ARHGAP22: variants seen among roughly 807,000 people sequenced by gnomAD.
ARHGAP22 encodes the protein Rho GTPase activating protein 22, also known as rho GTPase-activating protein 22.
In ARHGAP22, 48 loss-of-function variants were observed where a neutral mutation model predicts 59.1. The observed-to-expected ratio is 0.81, with a 90% CI of 0.64 to 1.03. The LOEUF is 1.03. ARHGAP22 is among the 50% of genes least tolerant of loss of function. The pLI is 0.00. For synonymous variants in ARHGAP22, 445 were observed against 416.4 expected, an observed-to-expected ratio of 1.07 and a Z score of -0.84; for missense variants, 1,015 against 958.7, an observed-to-expected ratio of 1.06 and a Z score of -0.78.
intron 2 of ARHGAP22, among the ~76,000 whole-genome samples, chr10:48,565,879 G>C (rs984821880): frequency 4.6e-5 from 7 of 152,180 alleles, no homozygotes; most frequent in Non-Finnish European, 1.0e-4. Context: ...ACCATTGCTT[G>C]TGCCATGAAA....
chr10:48,531,930 C>T (rs922247482), intron 3 of ARHGAP22, among the ~76,000 whole-genome samples: 8 of 152,140 alleles, frequency 5.3e-5, no homozygotes, highest in African/African-American at 1.9e-4. Context: ...GGATTGAGAC[C>T]GCGGGTTATT....
chr10:48,447,881 A>G (rs1422725495), intron 9 of ARHGAP22, among the ~76,000 whole-genome samples: 1 of 152,132 alleles, frequency 6.6e-6, no homozygotes, highest in Non-Finnish European at 1.5e-5. Flanking sequence ...CTGATCAGTT[A>G]GCAAAACCTT....
chr10:48,454,689 G>A (rs965945016), intron 6 of ARHGAP22, among the ~76,000 whole-genome samples: 1 of 152,200 alleles, frequency 6.6e-6, no homozygotes, highest in Admixed American at 6.5e-5. Flanking sequence ...CGGGTGTGGG[G>A]AGTGTGAGCA....
intron 4 of ARHGAP22, among the ~76,000 whole-genome samples, chr10:48,476,249 C>T (rs1444803646): frequency 2.0e-5 from 3 of 152,198 alleles, no homozygotes; most frequent in African/African-American, 4.8e-5. Context: ...GGCACTCCAG[C>T]TGTGGCCACA....
chr10:48,608,685 C>T (rs1381227190), upstream of ARHGAP22, among the ~76,000 whole-genome samples: 1 of 152,184 alleles, frequency 6.6e-6, no homozygotes, highest in Non-Finnish European at 1.5e-5. Flanking sequence ...GCAGCTCCCA[C>T]CCTCATACTT....
intron 3 of ARHGAP22, among the ~76,000 whole-genome samples, chr10:48,521,657 T>C (rs1218166637): frequency 6.6e-6 from 1 of 152,248 alleles, no homozygotes; most frequent in South Asian, 2.1e-4. Context: ...GAGAGTCAGA[T>C]AGCTCCTTAG....
At chr10:48,436,210 T>C in the ARHGAP22 span, 2 of 152,250 alleles carry the variant, frequency 1.3e-5, no homozygotes, top group Non-Finnish European at 2.9e-5. Flanking sequence ...AAGGACTGTT[T>C]CTTCACATTG....
chr10:48,570,602 G>C (rs1402860849), intron 2 of ARHGAP22, among the ~76,000 whole-genome samples: 1 of 152,176 alleles, frequency 6.6e-6, no homozygotes, highest in East Asian at 1.9e-4. Flanking sequence ...AGATCTATGG[G>C]AGCAGCTTGG....
At chr10:48,550,149 T>G (rs2056786672) in intron 3 of ARHGAP22, among the ~76,000 whole-genome samples, 1 of 152,212 alleles carries the variant, frequency 6.6e-6, no homozygotes, top group South Asian at 2.1e-4. Context: ...TGACTCTCAC[T>G]TAACCTTCAA....
chr10:48,602,554 T>G lies in ARHGAP22; in HGVS notation c.34+2209A>C, dbSNP rs1564980059. Among the ~76,000 whole-genome samples, 5 of 152,290 alleles carry G rather than the reference T, an allele frequency of 3.3e-5. No homozygotes were observed. In the East Asian group the frequency reaches 9.6e-4, roughly 29 times the overall value. On this transcript the variant is annotated intron_variant, in intron 1 of 9. Transcript: ENST00000249601. Reference sequence around the variant, plus strand: ...CAGTGAAAGATGAGGCCAAATTTCCTAAGTACCGGGCCAGCTTGGGTAGAG... The same window carrying G: ...CAGTGAAAGATGAGGCCAAATTTCCGAAGTACCGGGCCAGCTTGGGTAGAG...
Position 48,652,254 on chromosome 10 carries a change from G to T in ARHGAP22, c.32C>A (p.Thr11Lys), listed in dbSNP as rs144047908. ...CTTACTGAAATATCTGGCTGCAAACGTCCTCCTTTTGCTGGAAGCTGTCGG... is the reference window on the plus strand; with the variant it reads ...CTTACTGAAATATCTGGCTGCAAACTTCCTCCTTTTGCTGGAAGCTGTCGG... The change falls in exon 1 of 10, where the codon ACG (threonine) becomes AAG (lysine). Residue 11 changes from threonine to lysine, a missense_variant. Physicochemically the swap from Thr to Lys is moderately conservative, Grantham distance 78 (BLOSUM62 -1). Coordinates refer to the ARHGAP22 transcript ENST00000435790. 3 of 1,535,454 alleles carry T rather than the reference G, an allele frequency of 2.0e-6. No individual in the cohort carries two copies. In the African/African-American group the frequency reaches 4.1e-5, roughly 21 times the overall value.
chr10:48,435,772 G>A, the ARHGAP22 span: 1 of 152,180 alleles, frequency 6.6e-6, no homozygotes, highest in Non-Finnish European at 1.5e-5. Flanking sequence ...AGAATATGGT[G>A]TATTCTACAA....
intron 2 of ARHGAP22, among the ~76,000 whole-genome samples, chr10:48,582,043 G>A (rs967823252): frequency 2.6e-5 from 4 of 152,188 alleles, no homozygotes; most frequent in African/African-American, 7.2e-5. Context: ...AACTGAAAGA[G>A]GAAAGGGACA....
chr10:48,509,884 G>A (rs1374548305), intron 3 of ARHGAP22, among the ~76,000 whole-genome samples: 1 of 152,174 alleles, frequency 6.6e-6, no homozygotes, highest in Non-Finnish European at 1.5e-5. Context: ...TTTATTAGGA[G>A]AAACTCAAAG....
At position 48,479,872 on chromosome 10, in the gene ARHGAP22, CCAGCAA is replaced by C. The variant is rs1193669005; in HGVS notation, c.323-114_323-109del. ...CCTGTGGGATATTCCCAAAGTCCTT[CCAGCAA>C]CAGCTGAGCTTTGCTTTTATCTCAC... On this transcript the variant is annotated intron_variant, in intron 3 of 9. Coordinates refer to ENST00000249601, the MANE Select transcript of ARHGAP22 (RefSeq NM_021226.4). The C allele has an allele frequency of 4.5e-5, 50 of 1,120,496 alleles. No individual in the cohort carries two copies. The African/African-American group carries it at 7.6e-4, about 17-fold the overall frequency. 69.4% of individuals were successfully genotyped at this position (1,120,496 alleles called of 1,614,324 possible). A position where few individuals can be genotyped will look rare whatever the true frequency, so the allele number is the denominator to read the frequency against.
intron 3 of ARHGAP22, among the ~76,000 whole-genome samples, chr10:48,514,888 T>A (rs552463619): frequency 3.3e-5 from 5 of 152,230 alleles, no homozygotes; most frequent in African/African-American, 1.2e-4. Context: ...TTGTTTTAAA[T>A]TAAGAGGCTA....
chr10:48,553,689 T>C (rs1020880159), intron 3 of ARHGAP22, among the ~76,000 whole-genome samples: 3 of 152,204 alleles, frequency 2.0e-5, no homozygotes, highest in African/African-American at 7.2e-5. Flanking sequence ...CTTGTGACTA[T>C]GTTACCTTAT....
At chr10:48,441,988 C>T (rs923391992), downstream of ARHGAP22, among the ~76,000 whole-genome samples, 1 of 152,192 alleles carries the variant, frequency 6.6e-6, no homozygotes, top group Non-Finnish European at 1.5e-5. Context: ...TAATGCCTGG[C>T]AAGTAGGTGT....
intron 1 of ARHGAP22, among the ~76,000 whole-genome samples, chr10:48,602,248 G>T (rs370835659): frequency 3.9e-5 from 6 of 152,086 alleles, no homozygotes; most frequent in East Asian, 1.9e-4. Context: ...TATTGACCAG[G>T]CTCTGAACAT....
Sources: allele counts gnomAD v4.1 joint callset (sites outside exome capture counted in the v4.1 genomes callset), GRCh38; gene constraint gnomAD v4.1.1; transcripts MANE v1.5; gene names NCBI Gene and HGNC (gene_info 2026-07-23, HGNC 2026-07-21).